CRACDL: variants seen among roughly 807,000 people sequenced by gnomAD.
The protein encoded by CRACDL is CRACD like.
Under a neutral mutation model 70.6 loss-of-function variants are expected in CRACDL, and 26 were observed. The ratio of observed to expected loss-of-function variants is 0.37; its 90% CI spans 0.27 to 0.51. The LOEUF (loss-of-function observed/expected upper bound fraction) is 0.51. Ranked by LOEUF, CRACDL falls within the 20% of genes least tolerant of loss-of-function variation. The probability of loss-of-function intolerance (pLI) is 0.94; values close to 1 mark genes in which losing one functional copy is unlikely to be tolerated. For synonymous variants in CRACDL, 618 were observed against 615.2 expected (o/e 1.00, Z -0.07); for missense variants, 1,283 against 1,376.9 (o/e 0.93, Z 1.08).
intron 1 of CRACDL, among the ~76,000 whole-genome samples, chr2:98,920,308 T>C (rs541925964): frequency 6.6e-5 from 10 of 152,306 alleles, no homozygotes; most frequent in African/African-American, 2.2e-4. Context: ...GATTCTATCA[T>C]GAGTAGAACT....
At chr2:98,819,075 C>A (rs2104455306) in intron 7 of CRACDL, among the ~76,000 whole-genome samples, 1 of 152,240 alleles carries the variant, frequency 6.6e-6, no homozygotes, top group African/African-American at 2.4e-5. Flanking sequence ...ATGGATGAGA[C>A]AATTCTCTTC....
intron 1 of CRACDL, among the ~76,000 whole-genome samples, chr2:98,917,486 C>T (rs755325949): frequency 1.1e-4 from 16 of 152,170 alleles, no homozygotes; most frequent in East Asian, 1.9e-4. Flanking sequence ...TGAGTACCAT[C>T]GTTCACAAAA....
chr2:98,844,107 T>A (rs1390261006), intron 2 of CRACDL, among the ~76,000 whole-genome samples: 1 of 152,236 alleles, frequency 6.6e-6, no homozygotes, highest in Non-Finnish European at 1.5e-5. Flanking sequence ...GCTAACTGTA[T>A]GTCTGTCTTC....
chr2:98,819,806 T>G (rs986321954), intron 7 of CRACDL, among the ~76,000 whole-genome samples: 2 of 148,194 alleles, frequency 1.3e-5, no homozygotes, highest in African/African-American at 5.0e-5. Flanking sequence ...TTGAGTAGCC[T>G]GAAACATTCT....
In CRACDL at chr2:98,794,342, T is replaced by C. The variant is rs1401533331; in HGVS notation, c.*190A>G. On this transcript the variant is annotated 3_prime_UTR_variant, in exon 10 of 10. Coordinates refer to ENST00000397899, the MANE Select transcript of CRACDL (RefSeq NM_207362.3). ...ATGTTGTTCTTGTTTCTGGGCCCTC[T>C]GGCCCAGGAGTATGGCTGTGTGTTT... is the stretch of plus-strand genomic sequence containing the variant. The C allele has an allele frequency of 2.1e-6, 1 of 476,230 alleles. No homozygotes were observed. Among genetic ancestry groups the C allele is most frequent in the Non-Finnish European group, 3.7e-6 (1 of 273,178 alleles). 29.5% of individuals were successfully genotyped at this position (476,230 alleles called of 1,614,324 possible). A position where few individuals can be genotyped will look rare whatever the true frequency, so the allele number is the denominator to read the frequency against.
At chr2:98,921,881 G>C (rs1708811619) in intron 1 of CRACDL, among the ~76,000 whole-genome samples, 1 of 152,002 alleles carries the variant, frequency 6.6e-6, no homozygotes, top group African/African-American at 2.4e-5. Flanking sequence ...TGGAGACCCT[G>C]AGTCCCACTC....
Position 98,794,119 on chromosome 2 carries a change from A to C in CRACDL, c.*413T>G, listed in dbSNP as rs573977492. On this transcript the variant is annotated 3_prime_UTR_variant, in exon 10 of 10. Transcript: ENST00000397899. ...GATCCACAGGCAAGAGAGCGACCAGAGACATGGGCTGATCTCAGCTGGAAG... is the reference window on the plus strand; with the variant it reads ...GATCCACAGGCAAGAGAGCGACCAGCGACATGGGCTGATCTCAGCTGGAAG... 1.3e-5 allele frequency: 2 copies of C among 154,236 alleles called. No homozygotes were observed. The highest frequency in any genetic ancestry group is 1.9e-4 in the East Asian group (1 of 5,236). 9.6% of individuals were successfully genotyped at this position (154,236 alleles called of 1,614,324 possible).
chr2:98,798,692 TCTTTTC>T (rs1703946257), intron 7 of CRACDL, among the ~76,000 whole-genome samples: 1 of 151,764 alleles, frequency 6.6e-6, no homozygotes, highest in African/African-American at 2.4e-5. Flanking sequence ...TCTTTTCTTT[TCTTTTC>T]TTTTTTTTTT....
intron 1 of CRACDL, among the ~76,000 whole-genome samples, chr2:98,902,338 A>G (rs1183825209): frequency 6.6e-6 from 1 of 152,062 alleles, no homozygotes; most frequent in African/African-American, 2.4e-5. Flanking sequence ...AGGCCTCCGG[A>G]GAAGGCCCGT....
In CRACDL at chr2:98,795,074, TATA is replaced by T. The variant is rs1206865793; in HGVS notation, c.2750-406_2750-404del. ...ATATATATATATATATATATATATA[TATA>T]TTTTTTTTTTTTTTTGAGACAGAAG... On this transcript the variant is annotated intron_variant, in intron 9 of 9. Transcript: ENST00000397899. Among the ~76,000 whole-genome samples the T allele has an allele frequency of 3.0e-4, 16 of 53,266 alleles. 3 individuals carry two copies. Among genetic ancestry groups the T allele is most frequent in the African/African-American group, 1.1e-3 (15 of 13,568 alleles). The allele number at this position is 53,266 out of a possible 152,430, so 34.9% of individuals were successfully genotyped here.
At chr2:98,847,094 A>G (rs976647530) in intron 1 of CRACDL, among the ~76,000 whole-genome samples, 5 of 152,248 alleles carry the variant, frequency 3.3e-5, no homozygotes, top group African/African-American at 1.2e-4. Context: ...TTTCTTTCAA[A>G]AAAGCTTTTC....
intron 1 of CRACDL, among the ~76,000 whole-genome samples, chr2:98,875,605 T>A (rs1430190059): frequency 2.0e-5 from 3 of 152,168 alleles, no homozygotes; most frequent in African/African-American, 7.2e-5. Context: ...CAGCTGGTGG[T>A]CTGGGCAGAA....
chr2:98,840,384 T>A (rs1705973761), intron 2 of CRACDL, among the ~76,000 whole-genome samples: 1 of 152,176 alleles, frequency 6.6e-6, no homozygotes, highest in Admixed American at 6.5e-5. Flanking sequence ...TTTGAACCCA[T>A]TCAAATCTGT....
chr2:98,857,947 G>C (rs1336992906), intron 1 of CRACDL, among the ~76,000 whole-genome samples: 1 of 152,076 alleles, frequency 6.6e-6, no homozygotes, highest in Non-Finnish European at 1.5e-5. Context: ...ATATTTAAAG[G>C]AATTTAGTTC....
intron 1 of CRACDL, among the ~76,000 whole-genome samples, chr2:98,849,861 G>A (rs1220593392): frequency 6.6e-6 from 1 of 152,176 alleles, no homozygotes; most frequent in African/African-American, 2.4e-5. Flanking sequence ...ATGTTAGGCA[G>A]TCCCGGGGTG....
intron 1 of CRACDL, among the ~76,000 whole-genome samples, chr2:98,913,333 G>T (rs1708587606): frequency 6.6e-6 from 1 of 152,276 alleles, no homozygotes; most frequent in African/African-American, 2.4e-5. Flanking sequence ...ACCTCTGTCG[G>T]GGGGTGGGAA....
chr2:98,861,062 T>C (rs909572017), intron 1 of CRACDL, among the ~76,000 whole-genome samples: 2 of 152,076 alleles, frequency 1.3e-5, no homozygotes, highest in Non-Finnish European at 2.9e-5. Context: ...AAATTGTAAA[T>C]AAAAACCATA....
intron 1 of CRACDL, among the ~76,000 whole-genome samples, chr2:98,893,374 C>A (rs1708029486): frequency 6.6e-6 from 1 of 152,176 alleles, no homozygotes; most frequent in South Asian, 2.1e-4. Flanking sequence ...AGCTCCGTCT[C>A]CTGGGTTCAC....
At chr2:98,890,514 G>T (rs571370798) in intron 1 of CRACDL, among the ~76,000 whole-genome samples, 9 of 152,142 alleles carry the variant, frequency 5.9e-5, no homozygotes, top group African/African-American at 2.2e-4. Flanking sequence ...AAAACTTCCC[G>T]CAAAGAAAAG....
Sources: gnomAD v4.1 joint callset for allele counts (sites outside exome capture counted in the v4.1 genomes callset) on GRCh38, gnomAD v4.1.1 for gene constraint, MANE v1.5 for transcripts, NCBI Gene and HGNC (gene_info 2026-07-23, HGNC 2026-07-21) for gene names.